The following IQSEC1 variants were observed in gnomAD, a reference collection of about 807,000 sequenced individuals.
IQSEC1 encodes IQ motif and Sec7 domain ArfGEF 1.
Under a neutral mutation model 91.0 loss-of-function variants are expected in IQSEC1, and 31 were observed. The observed-to-expected ratio is 0.34, with a 90% CI of 0.26 to 0.46. IQSEC1 has a LOEUF of 0.46. Ranked by LOEUF, IQSEC1 falls within the 20% of genes least tolerant of loss-of-function variation. The pLI is 1.00. For missense variants in IQSEC1, 1,388 were observed against 1,575.6 expected, an observed-to-expected ratio of 0.88 and a Z score of 2.02; for synonymous variants, 699 against 662.6, an observed-to-expected ratio of 1.05 and a Z score of -0.84.
At position 13,282,866 on chromosome 3, in the gene IQSEC1, C is replaced by T. The variant is rs1340498395; in HGVS notation, c.117G>A (p.Leu39=). Among the ~76,000 whole-genome samples, 3 of 147,780 alleles carry T rather than the reference C, an allele frequency of 2.0e-5. No individual in the cohort carries two copies. The highest frequency in any genetic ancestry group is 7.3e-5 in the African/African-American group (3 of 40,968). Residue 39 remains leucine, a synonymous_variant, in exon 1 of 16, where the codon CTG becomes CTA. Transcript: ENST00000648114. This position sits in a 1 kb window ranked among gnomAD's most constrained non-coding sequence, Gnocchi z 6.4. ...GGCTCAGCCGCGCCACTTGGCGCTC[C>T]AGCTCCTCGATGCGCCGTCGCCGGC...
chr3:12,931,422 A>C (rs1697661649), intron 3 of IQSEC1, among the ~76,000 whole-genome samples: 5 of 152,220 alleles, frequency 3.3e-5, no homozygotes, highest in Admixed American at 3.3e-4. Flanking sequence ...CTGGGCTCTC[A>C]GCCTCGCTGC....
intron 1 of IQSEC1, among the ~76,000 whole-genome samples, chr3:13,024,944 G>A (rs1703556460): frequency 6.6e-6 from 1 of 152,252 alleles, no homozygotes; most frequent in South Asian, 2.1e-4. Flanking sequence ...CCTCCAGGCT[G>A]TGATGAGGAA....
Position 12,901,375 on chromosome 3 carries a change from G to A in IQSEC1, c.2953C>T (p.His985Tyr), listed in dbSNP as rs758422581. 7.1e-6 allele frequency: 11 copies of A among 1,539,834 alleles called. No individual in the cohort carries two copies. In the South Asian group the frequency reaches 1.2e-4, roughly 17 times the overall value. The change falls in exon 14 of 14, where the codon CAC (histidine) becomes TAC (tyrosine). Residue 985 changes from histidine to tyrosine, a missense_variant. Coordinates refer to ENST00000613206, the MANE Select transcript of IQSEC1 (RefSeq NM_001134382.3). Reference protein sequence around the residue: ...SKRGKPPPQAHLPSAPALPPP... With the variant: ...SKRGKPPPQAYLPSAPALPPP... Reference sequence around the variant, plus strand: ...GGCAGGGCTGGGGCTGAGGGCAGGTGGGCCTGGGGAGGGGGCTTCCCTCTC... The same window carrying A: ...GGCAGGGCTGGGGCTGAGGGCAGGTAGGCCTGGGGAGGGGGCTTCCCTCTC...
At chr3:13,220,151 A>C (rs1437924002) in intron 1 of IQSEC1, among the ~76,000 whole-genome samples, 2 of 152,208 alleles carry the variant, frequency 1.3e-5, no homozygotes, top group African/African-American at 4.8e-5. Context: ...ACGGGTTAGC[A>C]TTGCAAACTC....
chr3:12,946,923 T>C (rs1450431562), intron 1 of IQSEC1, among the ~76,000 whole-genome samples: 2 of 152,182 alleles, frequency 1.3e-5, no homozygotes, highest in Non-Finnish European at 2.9e-5. Context: ...CTGGCAGACA[T>C]TGCTAATTGA....
chr3:12,923,807 C>A (rs987951382), intron 4 of IQSEC1, among the ~76,000 whole-genome samples: 1 of 152,258 alleles, frequency 6.6e-6, no homozygotes, highest in Non-Finnish European at 1.5e-5. Flanking sequence ...CTCGGCTGCA[C>A]ATGGGCAGGG....
At chr3:13,198,399 A>G (rs1694174338) in intron 1 of IQSEC1, among the ~76,000 whole-genome samples, 1 of 151,946 alleles carries the variant, frequency 6.6e-6, no homozygotes, top group African/African-American at 2.4e-5. Context: ...AAGAGTGCAT[A>G]CCGCGCCTAG....
intron 2 of IQSEC1, among the ~76,000 whole-genome samples, chr3:13,158,689 T>A (rs906426405): frequency 1.3e-5 from 2 of 152,050 alleles, no homozygotes; most frequent in Non-Finnish European, 2.9e-5. Flanking sequence ...GCTTCTAAGG[T>A]CAGGGCTGGG....
At chr3:12,960,192 C>G (rs903184738) in intron 1 of IQSEC1, 1 of 152,096 alleles carries the variant, frequency 6.6e-6, no homozygotes, top group Non-Finnish European at 1.5e-5. Context: ...TACTAGGTGC[C>G]GGGCGCTACT....
intron 1 of IQSEC1, among the ~76,000 whole-genome samples, chr3:13,032,959 C>T (rs999781590): frequency 5.3e-5 from 8 of 152,230 alleles, no homozygotes; most frequent in African/African-American, 1.9e-4. Context: ...CTCTGCAGGG[C>T]ACACGAGGGC....
chr3:12,932,605 A>G (rs1697778504), intron 3 of IQSEC1, among the ~76,000 whole-genome samples: 1 of 152,170 alleles, frequency 6.6e-6, no homozygotes, highest in Non-Finnish European at 1.5e-5. Context: ...CCAGCCCTGG[A>G]AGCTCCCTTC....
intron 1 of IQSEC1, chr3:13,022,603 G>A (rs986968586): frequency 3.2e-5 from 8 of 253,630 alleles, no homozygotes; most frequent in African/African-American, 1.4e-4. Flanking sequence ...GGAGGCGGGC[G>A]GGGAGGCGAG....
chr3:13,249,490 T>C (rs1695159693), intron 1 of IQSEC1, among the ~76,000 whole-genome samples: 1 of 152,154 alleles, frequency 6.6e-6, no homozygotes, highest in Non-Finnish European at 1.5e-5. Context: ...GAATTTCTTA[T>C]GGCTTCAAAT....
chr3:13,024,518 G>A (rs1040661875), intron 1 of IQSEC1, among the ~76,000 whole-genome samples: 14 of 140,970 alleles, frequency 9.9e-5, no homozygotes, highest in Admixed American at 8.6e-4. Flanking sequence ...CATATCATAC[G>A]TTGTCTGCAT....
intron 1 of IQSEC1, among the ~76,000 whole-genome samples, chr3:13,066,618 G>A (rs1705238467): frequency 6.6e-6 from 1 of 152,250 alleles, no homozygotes; most frequent in Admixed American, 6.5e-5. Context: ...GATCGTGGGA[G>A]GCCAGGAGGA....
chr3:13,170,457 C>T (rs1399119266), intron 1 of IQSEC1, among the ~76,000 whole-genome samples: 2 of 152,224 alleles, frequency 1.3e-5, no homozygotes, highest in Non-Finnish European at 2.9e-5. Context: ...GAGAAGAAGG[C>T]CACCGTCCTC....
At chr3:12,916,565 G>C (rs1006620055) in intron 6 of IQSEC1, among the ~76,000 whole-genome samples, 1 of 152,222 alleles carries the variant, frequency 6.6e-6, no homozygotes, top group African/African-American at 2.4e-5. Flanking sequence ...ACCTCCCACA[G>C]ATGGCTGGCA....
intron 1 of IQSEC1, among the ~76,000 whole-genome samples, chr3:13,072,639 CAG>C (rs1212507393): frequency 5.3e-5 from 8 of 152,350 alleles, no homozygotes; most frequent in South Asian, 2.1e-4. Context: ...GCGTGCTGGG[CAG>C]AGATTCTCTT....
intron 1 of IQSEC1, among the ~76,000 whole-genome samples, chr3:13,044,557 G>A (rs1207072269): frequency 2.0e-5 from 3 of 152,236 alleles, no homozygotes; most frequent in East Asian, 1.9e-4. Flanking sequence ...CAGGCTGGAC[G>A]CAAGACACCC....
Sources: gnomAD v4.1 joint callset for allele counts (sites outside exome capture counted in the v4.1 genomes callset) on GRCh38, gnomAD v4.1.1 for gene constraint, Gnocchi (gnomAD v3.1) non-coding constraint, MANE v1.5 for transcripts, NCBI Gene and HGNC (gene_info 2026-07-23, HGNC 2026-07-21) for gene names.